The following NBR1 variants were observed in gnomAD, a reference collection of about 807,000 sequenced individuals.
NBR1 encodes the protein next to BRCA1 gene 1 protein.
Under a neutral mutation model 115.5 loss-of-function variants are expected in NBR1, and 59 were observed. The observed-to-expected ratio is 0.51, with a 90% CI of 0.41 to 0.63. NBR1 has a LOEUF of 0.63. Among genes scored for constraint, NBR1 ranks in the 30% least tolerant of loss-of-function variants. NBR1 has a pLI of 0.00. For missense variants in NBR1, 1,043 were observed against 1,150.5 expected (o/e 0.91, Z 1.35); for synonymous variants, 373 against 414.7 (o/e 0.90, Z 1.22).
At chr17:43,201,622 T>C in intron 17 of NBR1, 64 bp from the exon 18 acceptor site, 1 of 943,496 alleles carries the variant, frequency 1.1e-6, no homozygotes, top group Non-Finnish European at 1.7e-6. Flanking sequence ...CTGTGTTTAC[T>C]ATTTCTCCAC....
chr17:43,180,972 A>C (rs2056649087), intron 5 of NBR1, among the ~76,000 whole-genome samples, 155 bp downstream of exon 5: 1 of 152,114 alleles, frequency 6.6e-6, no homozygotes, highest in South Asian at 2.1e-4. Context: ...CCCAGGCTTA[A>C]GTGATCCTCC....
At position 43,189,061 on chromosome 17, in the gene NBR1, G is replaced by C; in HGVS notation, c.422G>C (p.Cys141Ser). The change falls in exon 7 of 21, where the codon TGT becomes TCT. Residue 141 changes from cysteine to serine, a missense_variant. Coordinates refer to ENST00000590996, the MANE Select transcript of NBR1 (RefSeq NM_005899.5). Reference protein sequence around the residue: ...PAVQSFPLVPCDTDQPQDKPP... With the variant: ...PAVQSFPLVPSDTDQPQDKPP... ...TCCCAGTCGTTTCCACTTGTTCCAT[G>C]TGACACAGACCAGCCTCAAGACAAG... 1.2e-6 allele frequency: 2 copies of C among 1,611,374 alleles called. No homozygotes were observed. The highest frequency in any genetic ancestry group is 1.3e-5 in the African/African-American group (1 of 74,932).
At chr17:43,201,931 A>G (rs1163878535) in intron 18 of NBR1, among the ~76,000 whole-genome samples, 151 bp downstream of exon 18, 3 of 151,986 alleles carry the variant, frequency 2.0e-5, no homozygotes, top group African/African-American at 7.2e-5. Context: ...TGTAATCCCA[A>G]CACTTTGGGA....
intron 20 of NBR1, chr17:43,209,585 A>T: frequency 6.5e-7 from 1 of 1,535,444 alleles, no homozygotes; most frequent in Non-Finnish European, 8.7e-7. Flanking sequence ...TCATTCCTTC[A>T]TCTGGCCAAA....
In NBR1 at chr17:43,210,936, G is replaced by C. The variant is rs1384486242; in HGVS notation, c.*862G>C. 2.6e-6 allele frequency: 1 copy of C among 381,204 alleles called. No individual in the cohort carries two copies. Among genetic ancestry groups the C allele is most frequent in the Admixed American group, 4.5e-5 (1 of 22,258 alleles). 23.6% of individuals were successfully genotyped at this position (381,204 alleles called of 1,614,324 possible). On this transcript the variant is annotated 3_prime_UTR_variant, in exon 21 of 21. Coordinates refer to ENST00000590996, the MANE Select transcript of NBR1 (RefSeq NM_005899.5). ...GCAGATCTTATTTTACAGTACAGTG[G>C]GGGAAATAGAAACATGTGAAAGGCA...
rs762362351 is a variant in NBR1 at position 43,189,022 on chromosome 17, C to A, written c.403-20C>A. ...ATAGAAAAAGTAACCTCTAACATCT[C>A]GGCTTGTGTTTTCTCCCAGTCGTTT... is the stretch of plus-strand genomic sequence containing the variant. On this transcript the variant is annotated intron_variant, in intron 6 of 20. Transcript: ENST00000590996. 4 of 1,564,316 alleles carry A rather than the reference C, an allele frequency of 2.6e-6. No individual in the cohort carries two copies. Among genetic ancestry groups the A allele is most frequent in the Non-Finnish European group, 3.5e-6 (4 of 1,134,870 alleles).
chr17:43,207,340 C>T (rs904167562), intron 20 of NBR1, among the ~76,000 whole-genome samples: 2 of 152,094 alleles, frequency 1.3e-5, no homozygotes, highest in Non-Finnish European at 2.9e-5. Flanking sequence ...AACCTAGGCA[C>T]ATCTTCTTGC....
Position 43,200,564 on chromosome 17 carries a change from G to T in NBR1, c.2424G>T (p.Val808=). The change falls in exon 17 of 21, where the codon GTG becomes GTT. Residue 808 remains valine (V), a synonymous_variant. Coordinates refer to ENST00000590996, the MANE Select transcript of NBR1 (RefSeq NM_005899.5). ...ILTTSQTLET[V]PLIPEVVELP... ...CGACCTCACAGACTCTGGAAACAGT[G>T]CCCCTAATCCCAGAGGTAGTGGAGC... 1 of 1,613,002 alleles carries T rather than the reference G, an allele frequency of 6.2e-7. No homozygotes were observed.
rs111584445 is a variant in NBR1, at chr17:43,196,409, A to G, written c.1751-72A>G. On this transcript the variant is annotated intron_variant, in intron 14 of 20. Transcript: ENST00000590996. Reference sequence around the variant, plus strand: ...GGAGGCAAGAAGCCTACAAACTGCTACTTCTGGACACTGACTGTTGATGAT... The same window carrying G: ...GGAGGCAAGAAGCCTACAAACTGCTGCTTCTGGACACTGACTGTTGATGAT... 3,167 of 901,512 alleles carry G rather than the reference A, an allele frequency of 3.5e-3. 64 individuals carry two copies. In the African/African-American group the frequency reaches 0.05, roughly 14 times the overall value. The allele number at this position is 901,512 out of a possible 1,614,324, so 55.8% of individuals were successfully genotyped here.
At chr17:43,187,886 C>CTTT (rs66857389) in intron 6 of NBR1, among the ~76,000 whole-genome samples, 28 of 58,906 alleles carry the variant, frequency 4.8e-4, no homozygotes, top group African/African-American at 9.3e-4. Flanking sequence ...TTGCATTTCT[C>CTTT]TTTTTTTTTT....
chr17:43,209,795 A>G, intron 20 of NBR1, 106 bp from the exon 21 acceptor site: 2 of 1,464,122 alleles, frequency 1.4e-6, no homozygotes, highest in South Asian at 2.9e-5. Flanking sequence ...CTTTGAATAA[A>G]TCTGGAAAGA....
At chr17:43,176,112 C>T (rs1364362254) in intron 2 of NBR1, 1 of 437,566 alleles carries the variant, frequency 2.3e-6, no homozygotes, top group African/African-American at 2.1e-5. Flanking sequence ...TCCTTTTGAA[C>T]ATTTTAGAAA....
chr17:43,186,321 A>G lies in NBR1; in HGVS notation c.279A>G (p.Pro93=), dbSNP rs773966138. ...GGCACCATGTCGTTGATGAAGCCCC[A>G]CCCCCAGTTGTAGGAGCAAAACGAC... ...HEGHHVVDEA[P]PPVVGAKRLA... Residue 93 remains proline, a synonymous_variant, in exon 6 of 21, where the codon CCA becomes CCG. Transcript: ENST00000590996. 1 of 1,592,352 alleles carries G rather than the reference A, an allele frequency of 6.3e-7. No individual in the cohort carries two copies. The highest frequency in any genetic ancestry group is 8.6e-7 in the Non-Finnish European group (1 of 1,169,588).
chr17:43,208,988 C>T (rs1048428331), intron 20 of NBR1, among the ~76,000 whole-genome samples: 1 of 151,968 alleles, frequency 6.6e-6, no homozygotes, highest in African/African-American at 2.4e-5. Context: ...AAAACAACAA[C>T]AACAACAAAA....
Position 43,177,929 on chromosome 17 carries a change from T to C in NBR1, c.103-7T>C. On this transcript the variant is annotated splice_polypyrimidine_tract_variant and splice_region_variant and intron_variant, in intron 2 of 20. Coordinates refer to ENST00000590996, the MANE Select transcript of NBR1 (RefSeq NM_005899.5). Reference sequence around the variant, plus strand: ...AACCTGCCTTTAAATATGTATCTCTTTTATAGGTAAAAGTTTCATTTGATC... The same window carrying C: ...AACCTGCCTTTAAATATGTATCTCTCTTATAGGTAAAAGTTTCATTTGATC... 5.9e-6 allele frequency: 9 copies of C among 1,524,998 alleles called. No individual in the cohort carries two copies. The highest frequency in any genetic ancestry group is 8.0e-6 in the Non-Finnish European group (9 of 1,119,148). 94.5% of individuals were successfully genotyped at this position (1,524,998 alleles called of 1,614,324 possible).
At chr17:43,204,060 C>T (rs2057263571) in intron 20 of NBR1, among the ~76,000 whole-genome samples, 1 of 152,118 alleles carries the variant, frequency 6.6e-6, no homozygotes, top group Admixed American at 6.5e-5. Flanking sequence ...GACTCAGCCT[C>T]CCGAGTAGCT....
chr17:43,175,707 T>C (rs1014420207), intron 1 of NBR1, 84 bp from the exon 2 acceptor site: 17 of 642,334 alleles, frequency 2.6e-5, no homozygotes, highest in Non-Finnish European at 4.1e-5. Context: ...CTCACAAGTA[T>C]TTGCTGAGTG....
chr17:43,202,522 T>TAAAA, intron 18 of NBR1, 133 bp from the exon 19 acceptor site: 3 of 535,454 alleles, frequency 5.6e-6, no homozygotes, highest in South Asian at 2.8e-5. Context: ...CCCAAATACT[T>TAAAA]TAAAAAAAAA....
rs754799597 is a variant in NBR1, at chr17:43,186,209, A to G, written c.208-41A>G. The G allele has an allele frequency of 2.0e-6, 3 of 1,493,130 alleles. No individual in the cohort carries two copies. In the South Asian group the frequency reaches 3.8e-5, roughly 19 times the overall value. 92.5% of individuals were successfully genotyped at this position (1,493,130 alleles called of 1,614,324 possible). Reference sequence around the variant, plus strand: ...TTTGAAATGTTATTTAGGAGAAGATAATCACGTCGCATGTTTTTGTTTCAT... The same window carrying G: ...TTTGAAATGTTATTTAGGAGAAGATGATCACGTCGCATGTTTTTGTTTCAT... On this transcript the variant is annotated intron_variant, in intron 5 of 20. Coordinates refer to ENST00000590996, the MANE Select transcript of NBR1 (RefSeq NM_005899.5).
Sources: gnomAD v4.1 joint callset for allele counts (sites outside exome capture counted in the v4.1 genomes callset) on GRCh38, gnomAD v4.1.1 for gene constraint, MANE v1.5 for transcripts, NCBI Gene and HGNC (gene_info 2026-07-23, HGNC 2026-07-21) for gene names.